The following ABCA13 variants were observed in gnomAD, a reference collection of about 807,000 sequenced individuals.
ABCA13 encodes ATP-binding cassette sub-family A member 13.
Under a neutral mutation model 478.7 loss-of-function variants are expected in ABCA13, and 476 were observed. That is an observed-to-expected ratio of 0.99 (90% CI 0.92 to 1.07). The LOEUF (loss-of-function observed/expected upper bound fraction) is 1.07. Ranked by LOEUF, ABCA13 falls within the 50% of genes least tolerant of loss-of-function variation. ABCA13 has a pLI of 0.00. For missense variants in ABCA13, 6,060 were observed against 5,910.6 expected, an observed-to-expected ratio of 1.03 and a Z score of -0.83; for synonymous variants, 2,252 against 2,158.9, an observed-to-expected ratio of 1.04 and a Z score of -1.20.
At chr7:48,338,786 T>C (rs1348749583) in intron 29 of ABCA13, among the ~76,000 whole-genome samples, 3 of 152,188 alleles carry the variant, frequency 2.0e-5, no homozygotes. Flanking sequence ...GAGTTAAAAG[T>C]AACTTGAAAG....
chr7:48,256,725 TA>T (rs1793445092), intron 15 of ABCA13, among the ~76,000 whole-genome samples: 1 of 152,212 alleles, frequency 6.6e-6, no homozygotes, highest in Non-Finnish European at 1.5e-5. Flanking sequence ...TGTAGCCATG[TA>T]GTATAGTTTG....
At chr7:48,466,653 AT>A (rs1189919402) in intron 43 of ABCA13, among the ~76,000 whole-genome samples, 2 of 152,212 alleles carry the variant, frequency 1.3e-5, no homozygotes, top group Non-Finnish European at 2.9e-5. Context: ...CCATGTAAAT[AT>A]GTGAAAAATG....
intron 31 of ABCA13, 136 bp downstream of exon 31, chr7:48,352,623 C>A: frequency 1.0e-6 from 1 of 1,001,152 alleles, no homozygotes; most frequent in Non-Finnish European, 1.4e-6. Context: ...TTTTTAATTT[C>A]GTAAGGTTCA....
At chr7:48,625,497 TTC>T (rs1410517116) in intron 59 of ABCA13, among the ~76,000 whole-genome samples, 10 of 152,120 alleles carry the variant, frequency 6.6e-5, no homozygotes, top group Admixed American at 1.3e-4. Context: ...ACTGAATTAA[TTC>T]TCTTTACTAG....
intron 1 of ABCA13, among the ~76,000 whole-genome samples, chr7:48,172,784 C>T (rs1203195741): frequency 2.8e-5 from 3 of 107,184 alleles, no homozygotes; most frequent in Admixed American, 1.5e-4. Context: ...GGCGACAGAG[C>T]GAGACTCCGT....
intron 42 of ABCA13, among the ~76,000 whole-genome samples, chr7:48,439,787 T>G (rs931165006): frequency 1.3e-5 from 2 of 152,124 alleles, no homozygotes; most frequent in Non-Finnish European, 2.9e-5. Flanking sequence ...TTTGATTAAT[T>G]TAAAGGCAAC....
At chr7:48,474,343 A>G (rs189857427) in intron 45 of ABCA13, among the ~76,000 whole-genome samples, 120 of 152,304 alleles carry the variant, frequency 7.9e-4, no homozygotes, top group African/African-American at 2.8e-3. Context: ...AATGATTGTT[A>G]TAGAGAAAGA....
intron 12 of ABCA13, 38 bp from the exon 13 acceptor site, chr7:48,245,825 T>C (rs1301932195): frequency 6.3e-7 from 1 of 1,580,644 alleles, no homozygotes; most frequent in Non-Finnish European, 8.6e-7. Context: ...CTAAGCCTCT[T>C]TAAATGTTAC....
chr7:48,483,100 A>G lies in ABCA13; in HGVS notation c.13119A>G (p.Leu4373=). The change falls in exon 47 of 62, where the codon TTA becomes TTG. Residue 4373 remains leucine (L), a synonymous_variant. Transcript: ENST00000435803. ...KPRLGGWSFG[L]KIPSEAGGAN... is the part of the protein sequence containing the mutation. ...GGCTTGGAGGTTGGTCTTTTGGATT[A>G]AAAATCCCCAGTGAAGCTGGAGGTG... 1 of 1,612,970 alleles carries G rather than the reference A, an allele frequency of 6.2e-7. No homozygotes were observed. Among genetic ancestry groups the G allele is most frequent in the Non-Finnish European group, 8.5e-7 (1 of 1,179,502 alleles).
chr7:48,552,573 T>A (rs1785427166), intron 55 of ABCA13, among the ~76,000 whole-genome samples: 1 of 150,480 alleles, frequency 6.6e-6, no homozygotes, highest in African/African-American at 2.4e-5. Flanking sequence ...TGTAGGAGCA[T>A]TGTTCCTCAC....
intron 56 of ABCA13, among the ~76,000 whole-genome samples, chr7:48,580,912 C>T (rs963285723): frequency 6.6e-6 from 1 of 152,038 alleles, no homozygotes; most frequent in Non-Finnish European, 1.5e-5. Flanking sequence ...CTGAGACCCC[C>T]ACCTCCATCA....
chr7:48,173,923 GC>G (rs1254120275), intron 1 of ABCA13, among the ~76,000 whole-genome samples: 2 of 152,214 alleles, frequency 1.3e-5, no homozygotes, highest in Non-Finnish European at 2.9e-5. Flanking sequence ...TGAACCGTGG[GC>G]TGTGAGGAGA....
chr7:48,438,888 T>C (rs995211992), intron 42 of ABCA13, among the ~76,000 whole-genome samples: 1 of 150,990 alleles, frequency 6.6e-6, no homozygotes, highest in Non-Finnish European at 1.5e-5. Flanking sequence ...GCTAAGGTTT[T>C]TTTTTTTTTT....
rs1296055906 is a variant in ABCA13, at chr7:48,275,932, T to C, written c.6266T>C (p.Ile2089Thr). Residue 2089 changes from isoleucine to threonine, a missense_variant, in exon 17 of 62, where the codon ATA becomes ACA. Physicochemically the swap from Ile to Thr is moderately conservative, Grantham distance 89. Around this residue, in one of 3 missense-constraint regions of ABCA13, gnomAD observed 4,423 missense variants for 4,309.1 expected, o/e 1.03. Transcript: ENST00000435803. ...LSEMNKGIKS[I>T]NSMALQKITL... is the part of the protein sequence containing the mutation. ...GAAATGAACAAAGGAATCAAAAGTA[T>C]AAATTCAATGGCTCTTCAAAAGATA... 1.2e-6 allele frequency: 2 copies of C among 1,613,622 alleles called. No individual in the cohort carries two copies. The highest frequency in any genetic ancestry group is 8.5e-7 in the Non-Finnish European group (1 of 1,179,830).
In ABCA13 at chr7:48,330,124, T is replaced by G. The variant is rs559340625; in HGVS notation, c.10000-5298T>G. ...ATTCATCCATTAATTTATCTATCCATCCACACATCCATCCATCCATTCATC... is the reference window on the plus strand; with the variant it reads ...ATTCATCCATTAATTTATCTATCCAGCCACACATCCATCCATCCATTCATC... On this transcript the variant is annotated intron_variant, in intron 27 of 61. Transcript: ENST00000435803. Among the ~76,000 whole-genome samples, 612 of 150,760 alleles carry G rather than the reference T, an allele frequency of 4.1e-3. 2 individuals are homozygous for G. Among genetic ancestry groups the G allele is most frequent in the African/African-American group, 0.014 (573 of 41,102 alleles).
chr7:48,232,159 T>TTTTTTTTTTTTTTTTTTTTTC (rs1789230518), intron 7 of ABCA13, among the ~76,000 whole-genome samples: 1 of 135,138 alleles, frequency 7.4e-6, no homozygotes, highest in Admixed American at 7.6e-5. Flanking sequence ...TTTTTTTTTT[T>TTTTTTTTTTTTTTTTTTTTTC]TTTTTAGCTT....
chr7:48,389,823 C>T (rs1334182890), intron 37 of ABCA13, among the ~76,000 whole-genome samples: 2 of 152,156 alleles, frequency 1.3e-5, no homozygotes, highest in African/African-American at 2.4e-5. Flanking sequence ...GGTTAAACTA[C>T]TAAAATTATG....
intron 27 of ABCA13, among the ~76,000 whole-genome samples, chr7:48,322,051 C>T (rs570961820): frequency 1.1e-4 from 17 of 152,340 alleles, no homozygotes; most frequent in African/African-American, 4.1e-4. Context: ...CTCTCTTCAC[C>T]ATCCCCAGTG....
chr7:48,619,786 T>G (rs1368408615), intron 59 of ABCA13, among the ~76,000 whole-genome samples: 2 of 152,146 alleles, frequency 1.3e-5, no homozygotes, highest in Non-Finnish European at 2.9e-5. Context: ...GGGTCACTTA[T>G]GAATGGAAGT....
Sources: allele counts gnomAD v4.1 joint callset (sites outside exome capture counted in the v4.1 genomes callset), GRCh38; gene constraint gnomAD v4.1.1; regional missense constraint gnomAD v4.1.1; transcripts MANE v1.5; gene names NCBI Gene and HGNC (gene_info 2026-07-23, HGNC 2026-07-21).